The following DLG2 variants were observed in gnomAD, a reference collection of about 807,000 sequenced individuals.
The protein encoded by DLG2 is discs large MAGUK scaffold protein 2.
DLG2 carries 45 observed loss-of-function variants against 132.5 expected under a neutral mutation model. The ratio of observed to expected loss-of-function variants is 0.34; its 90% CI spans 0.27 to 0.44. The LOEUF (loss-of-function observed/expected upper bound fraction) is 0.44, where lower values mean the gene tolerates loss of function less well. Among genes scored for constraint, DLG2 ranks in the 20% least tolerant of loss-of-function variants. The pLI, the probability that DLG2 is intolerant of heterozygous loss-of-function variation, is 1.00. For synonymous variants in DLG2, 424 were observed against 419.6 expected (o/e 1.01, Z -0.13); for missense variants, 1,045 against 1,196.9 (o/e 0.87, Z 1.87).
At chr11:83,790,069 C>T (rs1186863661) in intron 17 of DLG2, 7 of 1,165,118 alleles carry the variant, frequency 6.0e-6, no homozygotes, top group African/African-American at 3.1e-5. Flanking sequence ...CAAAATGACA[C>T]AGGTACTGCA....
chr11:84,707,290 T>C (rs902430690), intron 6 of DLG2, among the ~76,000 whole-genome samples: 1 of 151,832 alleles, frequency 6.6e-6, no homozygotes, highest in Non-Finnish European at 1.5e-5. Context: ...TACAGAGAGA[T>C]AAAGATTTTT....
intron 6 of DLG2, among the ~76,000 whole-genome samples, chr11:84,992,975 C>T (rs1469844646): frequency 6.6e-6 from 1 of 152,160 alleles, no homozygotes; most frequent in Non-Finnish European, 1.5e-5. Flanking sequence ...CACCTGCACA[C>T]ATATATTTAT....
chr11:85,020,806 T>G, intron 6 of DLG2: 1 of 729,970 alleles, frequency 1.4e-6, no homozygotes, highest in Non-Finnish European at 2.5e-6. Context: ...CTCAGCCTCT[T>G]TTTCATCATC....
intron 3 of DLG2, among the ~76,000 whole-genome samples, chr11:85,392,311 T>C (rs1012827687): frequency 2.6e-5 from 4 of 151,736 alleles, no homozygotes; most frequent in African/African-American, 7.3e-5. Flanking sequence ...TGGAAACATA[T>C]CCCATGCTTA....
chr11:84,930,448 A>T (rs983593014), intron 6 of DLG2, among the ~76,000 whole-genome samples: 1 of 152,142 alleles, frequency 6.6e-6, no homozygotes, highest in Admixed American at 6.6e-5. Context: ...AAAGGCTCCA[A>T]CACTGCCTGA....
intron 14 of DLG2, among the ~76,000 whole-genome samples, chr11:83,931,250 G>A (rs2080156192): frequency 6.6e-6 from 1 of 152,150 alleles, no homozygotes. Flanking sequence ...TGACCACTTG[G>A]AGAAATTTCT....
rs1593561008 is a variant in DLG2, at chr11:83,576,918, G to C, written c.1941-35060C>G. ...TTATTTAAACTTCTTTAAAACAATT[G>C]TCCACTGTGATGGTTAATACTGAGT... is the stretch of plus-strand genomic sequence containing the variant. On this transcript the variant is annotated intron_variant, in intron 19 of 27. Transcript: ENST00000376104. 2.0e-5 allele frequency among the ~76,000 whole-genome samples: 3 copies of C among 152,170 alleles called. No individual in the cohort carries two copies. In the South Asian group the frequency reaches 6.2e-4, roughly 32 times the overall value.
At chr11:83,468,552 G>C (rs2091530841) in intron 25 of DLG2, among the ~76,000 whole-genome samples, 1 of 152,068 alleles carries the variant, frequency 6.6e-6, no homozygotes, top group South Asian at 2.1e-4. Flanking sequence ...CATTGAGAAA[G>C]GTCATGGCAA....
intron 3 of DLG2, among the ~76,000 whole-genome samples, chr11:85,549,032 G>A (rs1220220439): frequency 6.6e-6 from 1 of 151,890 alleles, no homozygotes; most frequent in Non-Finnish European, 1.5e-5. Context: ...GCACCACTGG[G>A]GTATGAAAAA....
chr11:84,528,371 C>T (rs567086592), intron 7 of DLG2, among the ~76,000 whole-genome samples: 16 of 152,182 alleles, frequency 1.1e-4, no homozygotes, highest in Non-Finnish European at 2.1e-4. Context: ...CTAAGAAAGC[C>T]CATCCTATCA....
At chr11:84,310,424 G>A (rs1235121119) in intron 7 of DLG2, among the ~76,000 whole-genome samples, 3 of 152,172 alleles carry the variant, frequency 2.0e-5, no homozygotes, top group Non-Finnish European at 2.9e-5. Flanking sequence ...CTAGCACAGT[G>A]TCTCACACAT....
intron 6 of DLG2, among the ~76,000 whole-genome samples, chr11:84,552,254 C>A (rs1473287845): frequency 6.6e-6 from 1 of 152,162 alleles, no homozygotes; most frequent in Admixed American, 6.6e-5. Flanking sequence ...CACTTGCCTT[C>A]AATTTCTCTT....
chr11:84,019,495 G>A (rs1034559933), intron 11 of DLG2, among the ~76,000 whole-genome samples: 1 of 152,130 alleles, frequency 6.6e-6, no homozygotes, highest in African/African-American at 2.4e-5. Context: ...GACGTAAGGA[G>A]GATTTTTTGA....
At chr11:84,533,743 T>G (rs1380954793) in intron 7 of DLG2, among the ~76,000 whole-genome samples, 1 of 151,938 alleles carries the variant, frequency 6.6e-6, no homozygotes, top group Non-Finnish European at 1.5e-5. Context: ...GAAAGAAATT[T>G]TTGTTTAGCA....
intron 15 of DLG2, among the ~76,000 whole-genome samples, chr11:83,898,011 C>T (rs2072279312): frequency 6.6e-6 from 1 of 152,112 alleles, no homozygotes; most frequent in African/African-American, 2.4e-5. Context: ...GCCCCTTAGT[C>T]TGTTAAAGTC....
chr11:84,472,959 T>C (rs944791504), intron 7 of DLG2, among the ~76,000 whole-genome samples: 2 of 152,036 alleles, frequency 1.3e-5, no homozygotes, highest in Non-Finnish European at 2.9e-5. Flanking sequence ...CGTTACAACA[T>C]GTAAAATACT....
intron 21 of DLG2, among the ~76,000 whole-genome samples, chr11:83,517,025 T>TATC (rs1480909153): frequency 6.6e-6 from 1 of 152,082 alleles, no homozygotes. Flanking sequence ...TCTCAAGGAG[T>TATC]ATCTTTGTGG....
chr11:84,022,428 C>T (rs1223333079), intron 11 of DLG2, among the ~76,000 whole-genome samples: 10 of 152,130 alleles, frequency 6.6e-5, no homozygotes, highest in Non-Finnish European at 1.5e-4. Flanking sequence ...GCTGGGTGAG[C>T]AGAAACACAG....
At chr11:85,592,714 G>T (rs1406982342) in intron 3 of DLG2, among the ~76,000 whole-genome samples, 1 of 152,162 alleles carries the variant, frequency 6.6e-6, no homozygotes, top group Non-Finnish European at 1.5e-5. Context: ...ACTTTGGAAT[G>T]CCAAGGTGGG....
Sources: allele counts gnomAD v4.1 joint callset (sites outside exome capture counted in the v4.1 genomes callset), GRCh38; gene constraint gnomAD v4.1.1; transcripts MANE v1.5; gene names NCBI Gene and HGNC (gene_info 2026-07-23, HGNC 2026-07-21).